ROBO1: variants seen among roughly 807,000 people sequenced by gnomAD.
ROBO1 encodes the protein roundabout guidance receptor 1.
In ROBO1, 149 loss-of-function variants were observed where a neutral mutation model predicts 195.9. The observed-to-expected ratio is 0.76, with a 90% CI of 0.67 to 0.87. ROBO1 has a LOEUF of 0.87. Among genes scored for constraint, ROBO1 ranks in the 40% least tolerant of loss-of-function variants. The probability of loss-of-function intolerance (pLI) is 0.00; values close to 1 mark genes in which losing one functional copy is unlikely to be tolerated. For synonymous variants in ROBO1, 816 were observed against 733.2 expected (o/e 1.11, Z -1.82); for missense variants, 1,933 against 2,068.3 (o/e 0.93, Z 1.27).
intron 1 of ROBO1, among the ~76,000 whole-genome samples, chr3:79,648,661 G>A (rs2106727966): frequency 6.6e-6 from 1 of 152,088 alleles, no homozygotes; most frequent in East Asian, 1.9e-4. Context: ...AATATTCAGA[G>A]TAAATGGCTG....
chr3:79,294,828 G>A (rs758246615), intron 2 of ROBO1, among the ~76,000 whole-genome samples: 9 of 152,000 alleles, frequency 5.9e-5, no homozygotes, highest in East Asian at 3.9e-4. Context: ...ACATTTATGC[G>A]GCCAACTAAC....
At chr3:79,737,952 T>C (rs1703457320) in intron 1 of ROBO1, among the ~76,000 whole-genome samples, 1 of 152,102 alleles carries the variant, frequency 6.6e-6, no homozygotes, top group African/African-American at 2.4e-5. Flanking sequence ...ACTTCCATAC[T>C]CCCGCTGGAA....
chr3:79,404,548 A>C (rs1461672857), intron 2 of ROBO1, among the ~76,000 whole-genome samples: 1 of 152,116 alleles, frequency 6.6e-6, no homozygotes, highest in Non-Finnish European at 1.5e-5. Flanking sequence ...AATGTGAAGA[A>C]ATGCAAGAAA....
chr3:79,619,261 C>T (rs1944927451), intron 1 of ROBO1, among the ~76,000 whole-genome samples: 1 of 152,148 alleles, frequency 6.6e-6, no homozygotes, highest in Non-Finnish European at 1.5e-5. Flanking sequence ...GGGCTGCTCA[C>T]CACCCCCTTC....
intron 7 of ROBO1, among the ~76,000 whole-genome samples, chr3:78,716,113 A>G (rs2108064098): frequency 6.6e-6 from 1 of 152,304 alleles, no homozygotes; most frequent in South Asian, 2.1e-4. Context: ...AGACTGATAC[A>G]TACTTTTCAA....
At chr3:79,696,372 C>T (rs1032507717) in intron 1 of ROBO1, among the ~76,000 whole-genome samples, 3 of 150,242 alleles carry the variant, frequency 2.0e-5, no homozygotes, top group Non-Finnish European at 3.0e-5. Context: ...ACTAATAAAC[C>T]TTATTAAAAT....
At chr3:79,386,479 G>A (rs1328287053) in intron 2 of ROBO1, among the ~76,000 whole-genome samples, 3 of 152,150 alleles carry the variant, frequency 2.0e-5, no homozygotes, top group Middle Eastern at 3.4e-3. Context: ...GCAATACTAC[G>A]TAATTAGTTT....
At chr3:78,709,248 T>A (rs1024964150) in intron 8 of ROBO1, among the ~76,000 whole-genome samples, 3 of 152,216 alleles carry the variant, frequency 2.0e-5, no homozygotes, top group Non-Finnish European at 4.4e-5. Flanking sequence ...TTTCACTATT[T>A]TGTATTGGTC....
intron 4 of ROBO1, among the ~76,000 whole-genome samples, chr3:78,830,031 A>G (rs754141068): frequency 9.9e-5 from 15 of 152,146 alleles, no homozygotes; most frequent in Non-Finnish European, 2.2e-4. Flanking sequence ...GGCTGTAAAT[A>G]TAAAGGTGAC....
At chr3:78,854,429 A>C (rs974703248) in intron 4 of ROBO1, among the ~76,000 whole-genome samples, 1 of 150,504 alleles carries the variant, frequency 6.6e-6, no homozygotes, top group African/African-American at 2.4e-5. Flanking sequence ...AGAGAGACAT[A>C]TATCTTACTG....
At chr3:79,543,791 G>C (rs561992869) in intron 2 of ROBO1, among the ~76,000 whole-genome samples, 1 of 152,046 alleles carries the variant, frequency 6.6e-6, no homozygotes, top group South Asian at 2.1e-4. Flanking sequence ...TCATTGGCAG[G>C]CCCCATGAGA....
At chr3:79,274,583 G>A (rs1452203777) in intron 2 of ROBO1, among the ~76,000 whole-genome samples, 2 of 151,742 alleles carry the variant, frequency 1.3e-5, no homozygotes, top group African/African-American at 4.8e-5. Flanking sequence ...AATGATGCAT[G>A]TTGAACTAGA....
chr3:78,925,739 G>A (rs2039175855), intron 4 of ROBO1, among the ~76,000 whole-genome samples: 1 of 152,110 alleles, frequency 6.6e-6, no homozygotes, highest in African/African-American at 2.4e-5. Context: ...ATGCAGGAGT[G>A]ACATACTATG....
chr3:78,944,908 C>T (rs1576443903), intron 3 of ROBO1, among the ~76,000 whole-genome samples: 1 of 152,208 alleles, frequency 6.6e-6, no homozygotes, highest in African/African-American at 2.4e-5. Context: ...GGGAGTCTTG[C>T]TCATTGCTAG....
At chr3:78,926,406 G>C (rs2039223905) in intron 4 of ROBO1, among the ~76,000 whole-genome samples, 1 of 152,140 alleles carries the variant, frequency 6.6e-6, no homozygotes, top group South Asian at 2.1e-4. Flanking sequence ...GAGATAAGTG[G>C]GAAAATACTG....
At chr3:79,122,217 C>T (rs941634730) in intron 3 of ROBO1, among the ~76,000 whole-genome samples, 7 of 151,878 alleles carry the variant, frequency 4.6e-5, no homozygotes, top group Non-Finnish European at 7.4e-5. Flanking sequence ...CTATATGCCG[C>T]GAACTGTTAA....
chr3:78,656,385 C>G (rs1707018134), intron 18 of ROBO1, among the ~76,000 whole-genome samples: 1 of 123,492 alleles, frequency 8.1e-6, no homozygotes, highest in Non-Finnish European at 1.6e-5. Context: ...GAGTCTCACT[C>G]TGTCGCCCAG....
At chr3:78,645,717 A>G (rs1291020181) in intron 21 of ROBO1, among the ~76,000 whole-genome samples, 1 of 152,132 alleles carries the variant, frequency 6.6e-6, no homozygotes, top group Non-Finnish European at 1.5e-5. Flanking sequence ...GAAGTGAACT[A>G]TGTTGAATTC....
chr3:78,737,281 A>G (rs541145308), intron 5 of ROBO1, among the ~76,000 whole-genome samples: 1 of 152,312 alleles, frequency 6.6e-6, no homozygotes, highest in African/African-American at 2.4e-5. Context: ...GTTCACATAC[A>G]TTTATATCAT....
Sources: gnomAD v4.1 joint callset for allele counts (sites outside exome capture counted in the v4.1 genomes callset) on GRCh38, gnomAD v4.1.1 for gene constraint, MANE v1.5 for transcripts, NCBI Gene and HGNC (gene_info 2026-07-23, HGNC 2026-07-21) for gene names.